PTPRE: variants seen among roughly 807,000 people sequenced by gnomAD.
The protein encoded by PTPRE is protein tyrosine phosphatase receptor type E, also known as receptor-type tyrosine-protein phosphatase epsilon.
In PTPRE, 51 loss-of-function variants were observed where a neutral mutation model predicts 102.0. That is an observed-to-expected ratio of 0.50 (90% CI 0.40 to 0.63). The LOEUF (loss-of-function observed/expected upper bound fraction) is 0.63, where lower values mean the gene tolerates loss of function less well. Ranked by LOEUF, PTPRE falls within the 30% of genes least tolerant of loss-of-function variation. PTPRE has a pLI of 0.00. For synonymous variants in PTPRE, 345 were observed against 348.2 expected, an observed-to-expected ratio of 0.99 and a Z score of 0.10; for missense variants, 752 against 915.1, an observed-to-expected ratio of 0.82 and a Z score of 2.30.
At chr10:128,060,056 TACACACCACACACATACCACACACTACAC>T (rs1849407097) in intron 7 of PTPRE, among the ~76,000 whole-genome samples, 1 of 125,208 alleles carries the variant, frequency 8.0e-6, no homozygotes, top group African/African-American at 3.1e-5. Context: ...ACCACACACA[TACACACCACACACATACCACACACTACAC>T]ACACACACAC....
intron 1 of PTPRE, among the ~76,000 whole-genome samples, chr10:127,916,968 G>T (rs77730651): frequency 0.035 from 5,356 of 152,054 alleles, 130 homozygotes; most frequent in Middle Eastern, 0.085. Context: ...GTGCGGCCTG[G>T]CCAGCCCCAC....
At chr10:128,043,612 A>G (rs1847883645) in intron 3 of PTPRE, among the ~76,000 whole-genome samples, 1 of 152,390 alleles carries the variant, frequency 6.6e-6, no homozygotes, top group South Asian at 2.1e-4. Flanking sequence ...CAATTGTGTT[A>G]AAATGTAACA....
chr10:128,013,108 G>C (rs1055886018), intron 2 of PTPRE, among the ~76,000 whole-genome samples: 2 of 152,094 alleles, frequency 1.3e-5, no homozygotes, highest in Non-Finnish European at 2.9e-5. Context: ...AGCTTTTTGG[G>C]TTACTGCTGT....
rs76988531 is a variant in PTPRE at position 127,944,583 on chromosome 10, G to T, written c.-31+37274G>T. ...GGATGGGTGGATAGATGGATGGATAGGTTAGTGAGGTTAGAAAAGTAGGCA... is the reference window on the plus strand; with the variant it reads ...GGATGGGTGGATAGATGGATGGATATGTTAGTGAGGTTAGAAAAGTAGGCA... On this transcript the variant is annotated intron_variant, in intron 1 of 20. Transcript: ENST00000254667. This position sits in a 1 kb window ranked among gnomAD's most constrained non-coding sequence, Gnocchi z 4.2. Among the ~76,000 whole-genome samples the T allele has an allele frequency of 0.047, 7,195 of 152,166 alleles. 259 individuals carry two copies. Among genetic ancestry groups the T allele is most frequent in the Middle Eastern group, 0.075 (22 of 292 alleles).
intron 1 of PTPRE, among the ~76,000 whole-genome samples, chr10:127,951,717 G>A (rs1564822404): frequency 6.6e-6 from 1 of 152,190 alleles, no homozygotes; most frequent in African/African-American, 2.4e-5. Flanking sequence ...AGCTATTAGT[G>A]CTATCTCTAC....
chr10:128,058,839 C>A (rs1226836044), intron 7 of PTPRE, among the ~76,000 whole-genome samples: 1 of 152,170 alleles, frequency 6.6e-6, no homozygotes, highest in Non-Finnish European at 1.5e-5. Flanking sequence ...ACCTTCCCTG[C>A]CTTTCCCAGT....
chr10:128,060,693 C>T (rs1369511368), intron 7 of PTPRE, among the ~76,000 whole-genome samples: 3 of 152,216 alleles, frequency 2.0e-5, no homozygotes, highest in Admixed American at 6.5e-5. Context: ...CTACCCTTGT[C>T]GTCATGCCAC....
At chr10:127,985,317 T>A (rs561364906) in intron 2 of PTPRE, among the ~76,000 whole-genome samples, 1 of 152,268 alleles carries the variant, frequency 6.6e-6, no homozygotes, top group Non-Finnish European at 1.5e-5. Context: ...GCGTGGTGGC[T>A]CATGCCTGTA....
intron 2 of PTPRE, among the ~76,000 whole-genome samples, chr10:127,982,529 T>TGA (rs1554907293): frequency 2.8e-5 from 4 of 145,082 alleles, no homozygotes; most frequent in Admixed American, 2.8e-4. Flanking sequence ...TGTGTGTGTG[T>TGA]GAAATTTGGC....
chr10:128,060,105 A>G (rs1338421670), intron 7 of PTPRE, among the ~76,000 whole-genome samples: 2 of 141,984 alleles, frequency 1.4e-5, no homozygotes, highest in African/African-American at 5.3e-5. Flanking sequence ...CACACACACT[A>G]CACATACACA....
intron 6 of PTPRE, among the ~76,000 whole-genome samples, chr10:128,053,371 A>G (rs1365902962): frequency 6.6e-6 from 1 of 152,252 alleles, no homozygotes; most frequent in Non-Finnish European, 1.5e-5. Context: ...TTTATTGGCC[A>G]GTTACTATGA....
At chr10:127,950,450 T>C (rs750588441) in intron 1 of PTPRE, among the ~76,000 whole-genome samples, 1 of 151,994 alleles carries the variant, frequency 6.6e-6, no homozygotes, top group Non-Finnish European at 1.5e-5. Flanking sequence ...AATGCTAGAG[T>C]GGATTTGTCA....
chr10:127,951,467 C>T (rs1589815458), intron 1 of PTPRE, among the ~76,000 whole-genome samples: 1 of 152,290 alleles, frequency 6.6e-6, no homozygotes, highest in South Asian at 2.1e-4. Context: ...TTCCAGGAGA[C>T]CTGAAATGTC....
chr10:127,910,487 T>C (rs965239015), intron 1 of PTPRE, among the ~76,000 whole-genome samples: 1 of 152,214 alleles, frequency 6.6e-6, no homozygotes, highest in Non-Finnish European at 1.5e-5. Context: ...GTTCACTTGC[T>C]CAAGTAGTTT....
chr10:127,956,301 C>A (rs1460599851), intron 1 of PTPRE, among the ~76,000 whole-genome samples: 3 of 152,036 alleles, frequency 2.0e-5, no homozygotes, highest in African/African-American at 7.3e-5. Flanking sequence ...CATTTGAGTC[C>A]AAGTGGACTA....
intron 1 of PTPRE, among the ~76,000 whole-genome samples, chr10:127,973,475 G>A (rs937937996): frequency 6.6e-6 from 1 of 152,034 alleles, no homozygotes; most frequent in Admixed American, 6.5e-5. Flanking sequence ...TAGTTTAAAT[G>A]GTTCAGATCA....
chr10:127,947,970 C>T (rs370414612), intron 1 of PTPRE, among the ~76,000 whole-genome samples: 1 of 152,096 alleles, frequency 6.6e-6, no homozygotes, highest in South Asian at 2.1e-4. Context: ...CAGCATGGGA[C>T]GTGAGATGGG....
At chr10:128,010,009 G>A (rs1419988494) in intron 2 of PTPRE, among the ~76,000 whole-genome samples, 3 of 152,008 alleles carry the variant, frequency 2.0e-5, no homozygotes, top group Non-Finnish European at 1.5e-5. Flanking sequence ...ACAGGGGCAC[G>A]TGGTCACCCT....
chr10:128,057,033 T>C (rs988839346), intron 7 of PTPRE, among the ~76,000 whole-genome samples: 5 of 151,888 alleles, frequency 3.3e-5, no homozygotes, highest in Admixed American at 2.6e-4. Flanking sequence ...CTGGCCAAGA[T>C]GGTGAAACCC....
Sources: gnomAD v4.1 joint callset for allele counts (sites outside exome capture counted in the v4.1 genomes callset) on GRCh38, gnomAD v4.1.1 for gene constraint, Gnocchi (gnomAD v3.1) non-coding constraint, MANE v1.5 for transcripts, NCBI Gene and HGNC (gene_info 2026-07-23, HGNC 2026-07-21) for gene names.